Variants in PIAS1 observed in about 807,000 individuals in gnomAD.
PIAS1 encodes E3 SUMO-protein ligase PIAS1.
In PIAS1, 6 loss-of-function variants were observed where a neutral mutation model predicts 71.3. That is an observed-to-expected ratio of 0.08 (90% confidence interval 0.05 to 0.17). The LOEUF (loss-of-function observed/expected upper bound fraction) is 0.17, where lower values mean the gene tolerates loss of function less well. Among genes scored for constraint, PIAS1 ranks in the 10% least tolerant of loss-of-function variants. The pLI, the probability that PIAS1 is intolerant of heterozygous loss-of-function variation, is 1.00. For missense variants in PIAS1, 555 were observed against 793.6 expected (o/e 0.70, Z 3.61); for synonymous variants, 303 against 292.9 (o/e 1.03, Z -0.35).
intron 2 of PIAS1, among the ~76,000 whole-genome samples, chr15:68,100,693 G>A (rs2092416007): frequency 1.3e-5 from 2 of 152,264 alleles, no homozygotes; most frequent in South Asian, 4.1e-4. Flanking sequence ...TTGCTGGGCT[G>A]TATGGTAGTT....
chr15:68,072,072 A>G (rs147497176), intron 1 of PIAS1, among the ~76,000 whole-genome samples: 41 of 151,804 alleles, frequency 2.7e-4, no homozygotes, highest in African/African-American at 9.7e-4. Flanking sequence ...CTAGATCCAC[A>G]TGTGGATATC....
chr15:68,117,287 T>C (rs962846678), intron 2 of PIAS1, among the ~76,000 whole-genome samples: 2 of 152,184 alleles, frequency 1.3e-5, no homozygotes, highest in African/African-American at 4.8e-5. Flanking sequence ...GGTTTCACCA[T>C]GTTGGCCAGG....
intron 6 of PIAS1, among the ~76,000 whole-genome samples, chr15:68,147,065 T>C (rs1280239844): frequency 1.3e-5 from 2 of 152,226 alleles, no homozygotes. Context: ...CAAAGAACAT[T>C]TTGAAGACCA....
intron 2 of PIAS1, among the ~76,000 whole-genome samples, chr15:68,090,046 ATTTTAGTAT>A (rs2092320118): frequency 6.6e-6 from 1 of 151,426 alleles, no homozygotes; most frequent in Non-Finnish European, 1.5e-5. Context: ...TGACTGGCTA[ATTTTAGTAT>A]TTTTAGTAGA....
At position 68,102,369 on chromosome 15, in the gene PIAS1, G is replaced by T. The variant is rs190022779; in HGVS notation, c.469+15619G>T. Reference sequence around the variant, plus strand: ...GGTCTTGATTACTATGTCAGACTATGTAATAAGTCATAAAATTAGGTAGAG... The same window carrying T: ...GGTCTTGATTACTATGTCAGACTATTTAATAAGTCATAAAATTAGGTAGAG... On this transcript the variant is annotated intron_variant, in intron 2 of 13. Coordinates refer to ENST00000249636, the MANE Select transcript of PIAS1 (RefSeq NM_016166.3). Among the ~76,000 whole-genome samples, 41 of 152,290 alleles carry T rather than the reference G, an allele frequency of 2.7e-4. 2 individuals are homozygous for T. The East Asian group carries it at 3.3e-3, about 12-fold the overall frequency.
chr15:68,139,611 C>T (rs1420566553), intron 2 of PIAS1, among the ~76,000 whole-genome samples: 1 of 151,908 alleles, frequency 6.6e-6, no homozygotes, highest in African/African-American at 2.4e-5. Context: ...CACCGTGAAC[C>T]CCATTAATAT....
In PIAS1 at chr15:68,192,963, A is replaced by G. The variant is rs757664159; in HGVS notation, c.*5128A>G. 6.6e-6 allele frequency: 1 copy of G among 152,278 alleles called. No homozygotes were observed. The highest frequency in any genetic ancestry group is 6.5e-5 in the Admixed American group (1 of 15,280). 9.4% of individuals were successfully genotyped at this position (152,278 alleles called of 1,614,324 possible). A position where few individuals can be genotyped will look rare whatever the true frequency, so the allele number is the denominator to read the frequency against. ...GCACCTCTGAATCTCTGGCAGCACC[A>G]ACCTGGCACCTTCTAGCTGTGTAAC... On this transcript the variant is annotated 3_prime_UTR_variant, in exon 14 of 14. Coordinates refer to ENST00000249636, the MANE Select transcript of PIAS1 (RefSeq NM_016166.3).
chr15:68,116,814 C>T (rs955372728), intron 2 of PIAS1, among the ~76,000 whole-genome samples: 1 of 151,698 alleles, frequency 6.6e-6, no homozygotes, highest in African/African-American at 2.4e-5. Context: ...TGTAGTTTTC[C>T]TTTTGATATC....
At chr15:68,069,609 C>T (rs1038827137) in intron 1 of PIAS1, among the ~76,000 whole-genome samples, 1 of 151,948 alleles carries the variant, frequency 6.6e-6, no homozygotes. Context: ...GAGACCATCC[C>T]GGCTAACACG....
intron 6 of PIAS1, among the ~76,000 whole-genome samples, chr15:68,148,424 ATTTTCTTTTTCT>A (rs560567556): frequency 6.6e-6 from 1 of 151,598 alleles, no homozygotes; most frequent in Non-Finnish European, 1.5e-5. Context: ...AAAGTTAAGG[ATTTTCTTTTTCT>A]TTTTCTTTTT....
intron 6 of PIAS1, among the ~76,000 whole-genome samples, chr15:68,148,545 C>T (rs1248310333): frequency 6.6e-6 from 1 of 152,188 alleles, no homozygotes; most frequent in Non-Finnish European, 1.5e-5. Flanking sequence ...TCTCCTGCCA[C>T]AGCCTCCCGA....
At chr15:68,156,724 AAAAAGAG>A (rs1483072201) in intron 7 of PIAS1, among the ~76,000 whole-genome samples, 1 of 150,478 alleles carries the variant, frequency 6.6e-6, no homozygotes, top group Non-Finnish European at 1.5e-5. Flanking sequence ...AAAAAAAAAA[AAAAAGAG>A]AGAGAGAGAG....
At chr15:68,112,387 A>G (rs1400826607) in intron 2 of PIAS1, among the ~76,000 whole-genome samples, 1 of 152,090 alleles carries the variant, frequency 6.6e-6, no homozygotes, top group Non-Finnish European at 1.5e-5. Flanking sequence ...CTTTCCAGAG[A>G]TGTCTCAATT....
chr15:68,139,541 G>C (rs983085734), intron 2 of PIAS1, among the ~76,000 whole-genome samples: 2 of 152,096 alleles, frequency 1.3e-5, no homozygotes, highest in Non-Finnish European at 2.9e-5. Flanking sequence ...TAAACATTTG[G>C]GATGATGTGT....
intron 2 of PIAS1, among the ~76,000 whole-genome samples, chr15:68,100,798 C>T (rs2140998089): frequency 6.6e-6 from 1 of 152,246 alleles, no homozygotes; most frequent in African/African-American, 2.4e-5. Context: ...TCCAGTGTTT[C>T]TGCATCCTTG....
At chr15:68,089,888 T>G (rs2092318727) in intron 2 of PIAS1, among the ~76,000 whole-genome samples, 2 of 151,094 alleles carry the variant, frequency 1.3e-5, no homozygotes, top group South Asian at 4.2e-4. Context: ...TTTATTTTAT[T>G]TTATTATTTG....
At chr15:68,096,381 T>C (rs1046687539) in intron 2 of PIAS1, among the ~76,000 whole-genome samples, 2 of 152,148 alleles carry the variant, frequency 1.3e-5, no homozygotes, top group African/African-American at 4.8e-5. Flanking sequence ...GTTTTGTTCT[T>C]TTTCAAGATT....
At chr15:68,141,008 A>G (rs1345206084) in intron 2 of PIAS1, among the ~76,000 whole-genome samples, 6 of 152,118 alleles carry the variant, frequency 3.9e-5, no homozygotes, top group African/African-American at 1.4e-4. Flanking sequence ...CAAAAGGGAT[A>G]TTAACCACTG....
chr15:68,108,251 C>A (rs1369073281), intron 2 of PIAS1, among the ~76,000 whole-genome samples: 1 of 152,124 alleles, frequency 6.6e-6, no homozygotes, highest in Non-Finnish European at 1.5e-5. Context: ...GCTTTTGCTT[C>A]ATTCAATCCA....
Sources: gnomAD v4.1 joint callset for allele counts (sites outside exome capture counted in the v4.1 genomes callset) on GRCh38, gnomAD v4.1.1 for gene constraint, MANE v1.5 for transcripts, NCBI Gene and HGNC (gene_info 2026-07-23, HGNC 2026-07-21) for gene names.